CHID1: variants seen among roughly 807,000 people sequenced by gnomAD.
CHID1 encodes the protein chitinase domain containing 1.
CHID1 carries 44 observed loss-of-function variants against 55.4 expected under a neutral mutation model. That is an observed-to-expected ratio of 0.79 (90% CI 0.62 to 1.02). The LOEUF is 1.02. Ranked by LOEUF, CHID1 falls within the 50% of genes least tolerant of loss-of-function variation. The pLI is 0.00. For missense variants in CHID1, 491 were observed against 515.3 expected (o/e 0.95, Z 0.46); for synonymous variants, 216 against 212.9 (o/e 1.01, Z -0.13).
intron 8 of CHID1, among the ~76,000 whole-genome samples, chr11:885,923 C>T (rs1055744033): frequency 6.6e-6 from 1 of 151,954 alleles, no homozygotes; most frequent in Non-Finnish European, 1.5e-5. Flanking sequence ...GAGGCCGAGA[C>T]GGGAGGATCA....
At chr11:903,920 C>T (rs1852016160) in intron 2 of CHID1, 1 of 203,510 alleles carries the variant, frequency 4.9e-6, no homozygotes, top group Non-Finnish European at 1.0e-5. Flanking sequence ...TACTGGCCAA[C>T]CACTGCCTGC....
intron 2 of CHID1, 71 bp from the exon 3 acceptor site, chr11:903,182 C>T (rs111457239): frequency 3.4e-6 from 5 of 1,485,400 alleles, no homozygotes; most frequent in Non-Finnish European, 9.2e-7. Flanking sequence ...CCCCACCCAG[C>T]AAGTCCCTTC....
chr11:892,303 TG>T (rs1257648549), intron 8 of CHID1, among the ~76,000 whole-genome samples: 1 of 152,102 alleles, frequency 6.6e-6, no homozygotes, highest in Non-Finnish European at 1.5e-5. Context: ...TCAGCCCAGC[TG>T]GCACATAAGG....
Position 869,711 on chromosome 11 carries a change from G to A in CHID1, c.*147C>T, listed in dbSNP as rs1012648231. 1.0e-4 allele frequency: 70 copies of A among 698,644 alleles called. No homozygotes were observed. The highest frequency in any genetic ancestry group is 1.6e-4 in the Non-Finnish European group (64 of 399,154). The allele number at this position is 698,644 out of a possible 1,614,324, so 43.3% of individuals were successfully genotyped here. On this transcript the variant is annotated 3_prime_UTR_variant, in exon 13 of 13. Coordinates refer to ENST00000323578, the MANE Select transcript of CHID1 (RefSeq NM_023947.4). Reference sequence around the variant, plus strand: ...GGGCAGGGACCCCTCATGGGAGGATGGGGAGTCACATGGTGCCCAGGACCC... The same window carrying A: ...GGGCAGGGACCCCTCATGGGAGGATAGGGAGTCACATGGTGCCCAGGACCC...
At chr11:899,888 G>A (rs777328858) in intron 6 of CHID1, 116 bp downstream of exon 6, 10 of 688,184 alleles carry the variant, frequency 1.5e-5, no homozygotes, top group Non-Finnish European at 2.5e-5. Context: ...GCACCAGAAG[G>A]TGCCCAGGGC....
chr11:894,016 G>A (rs1851057668), intron 7 of CHID1, among the ~76,000 whole-genome samples: 1 of 151,350 alleles, frequency 6.6e-6, no homozygotes, highest in South Asian at 2.1e-4. Context: ...GAGCTACTCA[G>A]GAGGCTGAGG....
At chr11:900,138 G>A (rs1428887687) in intron 5 of CHID1, 28 bp from the exon 6 acceptor site, 2 of 1,564,804 alleles carry the variant, frequency 1.3e-6, no homozygotes, top group Non-Finnish European at 1.8e-6. Flanking sequence ...ACACACGGGG[G>A]CCGTGACTGG....
chr11:892,265 G>GCC (rs1382322204), intron 8 of CHID1, among the ~76,000 whole-genome samples: 1 of 152,194 alleles, frequency 6.6e-6, no homozygotes, highest in Non-Finnish European at 1.5e-5. Context: ...GCACAGCCAG[G>GCC]CCCCTGCCCA....
chr11:902,768 A>G lies in CHID1; in HGVS notation c.261+194T>C, dbSNP rs115253373. On this transcript the variant is annotated intron_variant, in intron 3 of 12. Transcript: ENST00000323578. ...AGAGATCAGCACAGCAAGCCCCTGG[A>G]GAGACCCCCAGGGTCTTACACTCTG... 6.2e-3 allele frequency among the ~76,000 whole-genome samples: 945 copies of G among 152,244 alleles called. 10 individuals carry two copies. The highest frequency in any genetic ancestry group is 0.022 in the African/African-American group (903 of 41,542).
chr11:896,113 C>T (rs1012972871), intron 7 of CHID1, among the ~76,000 whole-genome samples: 1 of 144,102 alleles, frequency 6.9e-6, no homozygotes, highest in African/African-American at 2.9e-5. Flanking sequence ...ACGAGCCTGT[C>T]TCAGTGCCCC....
chr11:888,640 C>T (rs550220908), intron 8 of CHID1, among the ~76,000 whole-genome samples: 11 of 152,328 alleles, frequency 7.2e-5, no homozygotes, highest in South Asian at 2.1e-4. Flanking sequence ...ACGAAAGCCC[C>T]GGGAGGAAGG....
Position 899,326 on chromosome 11 carries a change from C to T in CHID1, c.608+14G>A, listed in dbSNP as rs779013620. 3.1e-6 allele frequency: 5 copies of T among 1,593,678 alleles called. No individual in the cohort carries two copies. The highest frequency in any genetic ancestry group is 4.3e-6 in the Non-Finnish European group (5 of 1,169,790). ...CAGGAGGAGGGCCACCCACCACCAC[C>T]TGTGCCCACTCACACGCGCTTCTGG... On this transcript the variant is annotated intron_variant, in intron 7 of 12. Transcript: ENST00000323578.
upstream of CHID1, among the ~76,000 whole-genome samples, chr11:912,359 CTG>C (rs1565213743): frequency 6.6e-6 from 1 of 152,142 alleles, no homozygotes; most frequent in African/African-American, 2.4e-5. Context: ...AGGGTTCACT[CTG>C]GGCCAGAACT....
chr11:872,416 C>CA (rs888315999), intron 10 of CHID1, among the ~76,000 whole-genome samples: 2 of 152,228 alleles, frequency 1.3e-5, no homozygotes, highest in Non-Finnish European at 2.9e-5. Context: ...CTCGGCCTCC[C>CA]AAAGTGTTAG....
chr11:870,419 T>TC lies in CHID1; in HGVS notation c.1039_1040insG (p.Lys347ArgfsTer62), dbSNP rs1292393637. ...GGGCCACGCACTTCAAAACACTCAC[T>TC]TCTTGTACTCGAAGAAGTGCTCTGA... On this transcript the variant is annotated frameshift_variant and splice_region_variant, in exon 11 of 13. Transcript: ENST00000323578. LOFTEE classifies it high-confidence loss of function. The TC allele has an allele frequency of 6.2e-7, 1 of 1,609,522 alleles. No individual in the cohort carries two copies. Among genetic ancestry groups the TC allele is most frequent in the Non-Finnish European group, 8.5e-7 (1 of 1,177,484 alleles).
chr11:905,361 A>T (rs1242027310), intron 1 of CHID1, among the ~76,000 whole-genome samples: 1 of 152,256 alleles, frequency 6.6e-6, no homozygotes, highest in Non-Finnish European at 1.5e-5. Context: ...CAACATAGTG[A>T]GATCCTACAA....
intron 10 of CHID1, among the ~76,000 whole-genome samples, chr11:874,235 G>A (rs894036263): frequency 6.6e-6 from 1 of 152,216 alleles, no homozygotes; most frequent in African/African-American, 2.4e-5. Context: ...GCTGAGGCGG[G>A]CGGATCACCT....
At chr11:895,889 T>C (rs977405198) in intron 7 of CHID1, among the ~76,000 whole-genome samples, 2 of 151,928 alleles carry the variant, frequency 1.3e-5, no homozygotes, top group Non-Finnish European at 2.9e-5. Flanking sequence ...CCGACCTTCC[T>C]GCAGCTCCCC....
rs541717067 is a variant in CHID1, at chr11:895,179, T to TG, written c.609-1661dup. 1.5e-3 allele frequency among the ~76,000 whole-genome samples: 224 copies of TG among 152,248 alleles called. 2 individuals are homozygous for TG. The highest frequency in any genetic ancestry group is 5.2e-3 in the African/African-American group (218 of 41,542). On this transcript the variant is annotated intron_variant, in intron 7 of 12. Transcript: ENST00000323578. ...GATGCCTGGGGAAGCTGACCCTACC[T>TG]GGGGGTCTCCTGCCTGGTTCCCAGC...
Sources: allele counts gnomAD v4.1 joint callset (sites outside exome capture counted in the v4.1 genomes callset), GRCh38; gene constraint gnomAD v4.1.1; transcripts MANE v1.5; gene names NCBI Gene and HGNC (gene_info 2026-07-23, HGNC 2026-07-21).